AR: variants seen among roughly 807,000 people sequenced by gnomAD.
AR encodes dihydrotestosterone receptor.
In AR, 8 loss-of-function variants were observed where a neutral mutation model predicts 53.9. The observed-to-expected ratio is 0.15, with a 90% CI of 0.09 to 0.27. AR has a LOEUF of 0.27. AR is among the 10% of genes least tolerant of loss of function. AR has a pLI of 1.00. For missense variants in AR, 639 were observed against 742.5 expected (o/e 0.86, Z 1.62); for synonymous variants, 359 against 316.4 (o/e 1.13, Z -1.43).
At position 67,632,389 on chromosome X, in the gene AR, G is replaced by A. The variant is rs909817061; in HGVS notation, c.1617-10867G>A. Among the ~76,000 whole-genome samples the A allele has an allele frequency of 1.4e-4, 16 of 112,332 alleles. 1 individual carries two copies. Among genetic ancestry groups the A allele is most frequent in the African/African-American group, 5.2e-4 (16 of 30,928 alleles). The stretch of plus-strand genomic sequence containing the variant: ...AGAAAAACGCAGTATTTGGGTGGGA[G>A]TGACCCAATTTTCCAGGTGCCGTCT... On this transcript the variant is annotated intron_variant, in intron 1 of 7. Transcript: ENST00000374690.
chrX:67,591,907 C>A (rs888527020), intron 1 of AR, among the ~76,000 whole-genome samples: 1 of 112,213 alleles, frequency 8.9e-6, no homozygotes, highest in Non-Finnish European at 1.9e-5. Context: ...GAACAGTTAC[C>A]TAGAAGAAAC....
chrX:67,685,782 T>A (rs759589394), intron 2 of AR, among the ~76,000 whole-genome samples: 1 of 111,552 alleles, frequency 9.0e-6, no homozygotes, highest in East Asian at 2.8e-4. Context: ...AGGATCTGAA[T>A]TGTTCATCCC....
rs899217334 is a variant in AR at position 67,708,794 on chromosome X, G to C, written c.1886-2608G>C. On this transcript the variant is annotated intron_variant, in intron 3 of 7. Transcript: ENST00000374690. ...GTTTTATCTACCTTTGGTCTTTGAT[G>C]ATGGTGACATACAGATGGGATTTTG... Among the ~76,000 whole-genome samples the C allele has an allele frequency of 3.6e-5, 4 of 111,663 alleles. No individual in the cohort carries two copies. In the East Asian group the frequency reaches 8.5e-4, roughly 24 times the overall value.
intron 5 of AR, among the ~76,000 whole-genome samples, chrX:67,721,327 C>G (rs1048851629): frequency 1.8e-5 from 2 of 112,152 alleles, no homozygotes; most frequent in African/African-American, 6.5e-5. Context: ...GCAAAGGGGT[C>G]AACAGGATGA....
chrX:67,627,222 G>C (rs1050942317), intron 1 of AR, among the ~76,000 whole-genome samples: 3 of 111,372 alleles, frequency 2.7e-5, no homozygotes, highest in African/African-American at 9.9e-5. Flanking sequence ...TTCCACAAGG[G>C]TTGAACTAGT....
chrX:67,562,071 C>T (rs371568925), intron 1 of AR, among the ~76,000 whole-genome samples: 1 of 105,808 alleles, frequency 9.5e-6, no homozygotes, highest in Admixed American at 1.0e-4. Flanking sequence ...TCTGGAGTAG[C>T]TGGGATTACA....
intron 2 of AR, among the ~76,000 whole-genome samples, chrX:67,649,309 A>G (rs370180606): frequency 3.7e-4 from 41 of 112,133 alleles, no homozygotes; most frequent in East Asian, 2.2e-3. Flanking sequence ...AGTCTGTGCT[A>G]TTGTGAATAG....
chrX:67,660,408 A>G (rs1163985452), intron 2 of AR, among the ~76,000 whole-genome samples: 2 of 111,769 alleles, frequency 1.8e-5, no homozygotes, highest in African/African-American at 3.3e-5. Flanking sequence ...TAAGGAAGGG[A>G]TCCAGTTTCA....
chrX:67,626,519 C>T (rs1312512957), intron 1 of AR, among the ~76,000 whole-genome samples: 2 of 88,411 alleles, frequency 2.3e-5, no homozygotes, highest in African/African-American at 8.2e-5. Context: ...CAGCTCACTG[C>T]AAGCTCCGCC....
chrX:67,621,931 TTA>T (rs1924398306), intron 1 of AR, among the ~76,000 whole-genome samples: 2 of 111,482 alleles, frequency 1.8e-5, no homozygotes, highest in African/African-American at 6.5e-5. Context: ...GGCTTTAGAG[TTA>T]GCCAGGTATG....
At chrX:67,701,612 C>T (rs758334819) in intron 3 of AR, among the ~76,000 whole-genome samples, 1 of 111,207 alleles carries the variant, frequency 9.0e-6, no homozygotes, top group Admixed American at 9.5e-5. Flanking sequence ...CAGACATGTG[C>T]CCATGCACAA....
chrX:67,697,231 CTCTCTT>C (rs2076024658), intron 3 of AR, among the ~76,000 whole-genome samples: 2 of 111,679 alleles, frequency 1.8e-5, no homozygotes, highest in African/African-American at 6.5e-5. Context: ...TCTGCCAAGT[CTCTCTT>C]ATGTTACATT....
intron 2 of AR, among the ~76,000 whole-genome samples, chrX:67,648,523 C>T (rs139609040): frequency 1.3e-4 from 14 of 111,339 alleles, no homozygotes; most frequent in Non-Finnish European, 1.9e-4. Context: ...ATTCTGTCTT[C>T]GCACACTCAC....
chrX:67,718,836 G>C (rs754568493), intron 5 of AR, among the ~76,000 whole-genome samples: 1 of 111,562 alleles, frequency 9.0e-6, no homozygotes, highest in Non-Finnish European at 1.9e-5. Flanking sequence ...ATTTCACCAT[G>C]TTAGCCAGGC....
chrX:67,634,095 A>G (rs1925308817), intron 1 of AR, among the ~76,000 whole-genome samples: 1 of 111,666 alleles, frequency 9.0e-6, no homozygotes, highest in Non-Finnish European at 1.9e-5. Flanking sequence ...TATAACAGAA[A>G]TATTATATGG....
chrX:67,578,911 A>G (rs1022764460), intron 1 of AR, among the ~76,000 whole-genome samples: 42 of 112,168 alleles, frequency 3.7e-4, no homozygotes, highest in African/African-American at 1.3e-3. Flanking sequence ...ACTATTACCT[A>G]GCAGAAATTT....
chrX:67,580,183 T>C (rs1223686318), intron 1 of AR, among the ~76,000 whole-genome samples: 1 of 108,782 alleles, frequency 9.2e-6, no homozygotes, highest in Non-Finnish European at 1.9e-5. Context: ...AAAAAAAGCA[T>C]CTCCAGGGGG....
At chrX:67,634,367 C>T (rs916749664) in intron 1 of AR, among the ~76,000 whole-genome samples, 13 of 111,518 alleles carry the variant, frequency 1.2e-4, no homozygotes, top group South Asian at 3.8e-4. Flanking sequence ...GCACTGTGTC[C>T]GCAGTGGTGT....
At position 67,561,928 on chromosome X, in the gene AR, G is replaced by GT. The variant is rs757161392; in HGVS notation, c.1616+15193dup. ...GATTACAGTTCAGTAAACGAAAGAGGTTTTTTTTTTTTTTTTTTTTTTTTT... is the reference window on the plus strand; with the variant it reads ...GATTACAGTTCAGTAAACGAAAGAGGTTTTTTTTTTTTTTTTTTTTTTTTTT... On this transcript the variant is annotated intron_variant, in intron 1 of 7. Coordinates refer to ENST00000374690, the MANE Select transcript of AR (RefSeq NM_000044.6). Among the ~76,000 whole-genome samples the GT allele has an allele frequency of 8.9e-3, 697 of 78,259 alleles. 30 individuals are homozygous for GT. Among genetic ancestry groups the GT allele is most frequent in the African/African-American group, 0.013 (234 of 17,751 alleles). The allele number at this position is 78,259 out of a possible 115,157, so 68.0% of individuals were successfully genotyped here.
Sources: allele counts gnomAD v4.1 joint callset (sites outside exome capture counted in the v4.1 genomes callset), GRCh38; gene constraint gnomAD v4.1.1; transcripts MANE v1.5; gene names NCBI Gene and HGNC (gene_info 2026-07-23, HGNC 2026-07-21).